Variants in FRRS1L observed in about 807,000 individuals in gnomAD.
FRRS1L encodes the protein DOMON domain-containing protein FRRS1L.
In FRRS1L, 22 loss-of-function variants were observed where a neutral mutation model predicts 28.6. The ratio of observed to expected loss-of-function variants is 0.77; its 90% CI spans 0.55 to 1.10. The LOEUF is 1.10. FRRS1L is among the 50% of genes least tolerant of loss of function. The pLI, the probability that FRRS1L is intolerant of heterozygous loss-of-function variation, is 0.00. For missense variants in FRRS1L, 380 were observed against 386.9 expected, an observed-to-expected ratio of 0.98 and a Z score of 0.15; for synonymous variants, 158 against 151.4, an observed-to-expected ratio of 1.04 and a Z score of -0.32.
Position 109,166,986 on chromosome 9 carries a change from G to T in FRRS1L, c.153C>A (p.Gly51=). Residue 51 remains glycine (G), a synonymous_variant, in exon 1 of 5, where the codon GGC becomes GGA. Coordinates refer to ENST00000561981, the MANE Select transcript of FRRS1L (RefSeq NM_014334.4). ...CGTGGCGCGGCACCGCCTCGTCGGC[G>T]CCCGTGTCCCCCCGCGCGCGTCCCC... ...GPRGRARGDT[G]ADEAVPRHDS... 7.8e-7 allele frequency: 1 copy of T among 1,283,948 alleles called. No homozygotes were observed. Among genetic ancestry groups the T allele is most frequent in the Non-Finnish European group, 9.9e-7 (1 of 1,011,628 alleles). The allele number at this position is 1,283,948 out of a possible 1,614,324, so 79.5% of individuals were successfully genotyped here.
At chr9:109,141,158 C>T (rs745916740) in intron 4 of FRRS1L, 185 bp downstream of exon 4, 13 of 626,776 alleles carry the variant, frequency 2.1e-5, no homozygotes, top group Admixed American at 5.9e-5. Context: ...TTTGTTTGTC[C>T]GTATAATAAG....
chr9:109,142,379 G>A (rs1831199230), intron 3 of FRRS1L, among the ~76,000 whole-genome samples: 2 of 152,152 alleles, frequency 1.3e-5, no homozygotes, highest in South Asian at 4.1e-4. Context: ...AAAAGTTCTG[G>A]AACTAGGGAG....
intron 2 of FRRS1L, 21 bp from the exon 3 acceptor site, chr9:109,147,210 G>T: frequency 6.2e-7 from 1 of 1,601,344 alleles, no homozygotes; most frequent in Non-Finnish European, 8.6e-7. Context: ...TATCGAAAGA[G>T]ACTTTACTGC....
intron 1 of FRRS1L, among the ~76,000 whole-genome samples, chr9:109,152,731 G>A (rs1178504523): frequency 6.9e-6 from 1 of 144,034 alleles, no homozygotes; most frequent in Admixed American, 7.2e-5. Flanking sequence ...ATGAACCCGG[G>A]AGGTGGAGCG....
At chr9:109,141,279 T>C in intron 4 of FRRS1L, 64 bp downstream of exon 4, 1 of 1,586,714 alleles carries the variant, frequency 6.3e-7, no homozygotes, top group Non-Finnish European at 8.6e-7. Context: ...GTGACTTCAA[T>C]TAACAATGAA....
intron 1 of FRRS1L, among the ~76,000 whole-genome samples, chr9:109,164,396 A>AC (rs527915831): frequency 1.6e-3 from 210 of 134,730 alleles, no homozygotes; most frequent in Non-Finnish European, 2.6e-3. Context: ...GAGCAGGTTG[A>AC]TTTTTTTTTT....
At chr9:109,151,243 T>G (rs1831326483) in intron 1 of FRRS1L, 1 of 152,254 alleles carries the variant, frequency 6.6e-6, no homozygotes, top group Non-Finnish European at 1.5e-5. Context: ...CTATATCTGC[T>G]TCAGTACTAG....
rs771750729 is a variant in FRRS1L at position 109,135,425 on chromosome 9, G to C, written c.*2030C>G. 4 of 152,170 alleles carry C rather than the reference G, an allele frequency of 2.6e-5. No homozygotes were observed. In the South Asian group the frequency reaches 8.3e-4, roughly 32 times the overall value. 9.4% of individuals were successfully genotyped at this position (152,170 alleles called of 1,614,324 possible). A position where few individuals can be genotyped will look rare whatever the true frequency, so the allele number is the denominator to read the frequency against. On this transcript the variant is annotated 3_prime_UTR_variant, in exon 5 of 5. Transcript: ENST00000561981. ...TTACTATGAATTATGCTGACTACCT[G>C]TCTAGTTTATAAGTCTGAACATTTT...
chr9:109,132,397 G>C lies in FRRS1L; in HGVS notation c.*5058C>G, dbSNP rs1240738394. Reference sequence around the variant, plus strand: ...CACCACAGTTACTTAAGACAAAACTGCTGCTTAGCCGGCTCTGTACTTTAC... The same window carrying C: ...CACCACAGTTACTTAAGACAAAACTCCTGCTTAGCCGGCTCTGTACTTTAC... On this transcript the variant is annotated 3_prime_UTR_variant, in exon 5 of 5. Transcript: ENST00000561981. 1 of 152,204 alleles carries C rather than the reference G, an allele frequency of 6.6e-6. No homozygotes were observed. Among genetic ancestry groups the C allele is most frequent in the Non-Finnish European group, 1.5e-5 (1 of 68,038 alleles). 9.4% of individuals were successfully genotyped at this position (152,204 alleles called of 1,614,324 possible).
rs1831085100 is a variant in FRRS1L, at chr9:109,133,973, G to GT, written c.*3481dup. 6.6e-6 allele frequency: 1 copy of GT among 152,188 alleles called. No homozygotes were observed. Among genetic ancestry groups the GT allele is most frequent in the South Asian group, 2.1e-4 (1 of 4,832 alleles). 9.4% of individuals were successfully genotyped at this position (152,188 alleles called of 1,614,324 possible). A position where few individuals can be genotyped will look rare whatever the true frequency, so the allele number is the denominator to read the frequency against. ...TGAGATAATGGTCAAAGGCCATTCT[G>GT]TATCACTGGTGTGAATTCTTATTTC... On this transcript the variant is annotated 3_prime_UTR_variant, in exon 5 of 5. Transcript: ENST00000561981.
chr9:109,162,827 C>T (rs1201534902), intron 1 of FRRS1L, among the ~76,000 whole-genome samples: 1 of 152,186 alleles, frequency 6.6e-6, no homozygotes, highest in Non-Finnish European at 1.5e-5. Context: ...ATGTTCTGTC[C>T]TTCTTTCTAC....
chr9:109,137,707 CAA>C (rs1201572214), intron 4 of FRRS1L, 80 bp from the exon 5 acceptor site: 30 of 893,758 alleles, frequency 3.4e-5, no homozygotes, highest in Non-Finnish European at 4.7e-5. Context: ...ATGGAAAAAT[CAA>C]AAGTCTATTT....
In FRRS1L at chr9:109,135,977, C is replaced by G. The variant is rs988146011; in HGVS notation, c.*1478G>C. ...AGGCACGGTGGCTCACACCTGTAATCCTAGCACTCTGGGAGGCCAAAGCAG... is the reference window on the plus strand; with the variant it reads ...AGGCACGGTGGCTCACACCTGTAATGCTAGCACTCTGGGAGGCCAAAGCAG... On this transcript the variant is annotated 3_prime_UTR_variant, in exon 5 of 5. Coordinates refer to ENST00000561981, the MANE Select transcript of FRRS1L (RefSeq NM_014334.4). The G allele has an allele frequency of 4.0e-5, 6 of 151,852 alleles. No individual in the cohort carries two copies. The highest frequency in any genetic ancestry group is 7.4e-5 in the Non-Finnish European group (5 of 67,978). 9.4% of individuals were successfully genotyped at this position (151,852 alleles called of 1,614,324 possible).
At position 109,133,434 on chromosome 9, in the gene FRRS1L, A is replaced by G. The variant is rs796941444; in HGVS notation, c.*4021T>C. ...TAATTGTAAATTACTAAATGGGGGA[A>G]AAAAGGCACCTAGCTAATTGGAGTA... On this transcript the variant is annotated 3_prime_UTR_variant, in exon 5 of 5. Transcript: ENST00000561981. The G allele has an allele frequency of 4.6e-5, 7 of 152,300 alleles. No individual in the cohort carries two copies. Among genetic ancestry groups the G allele is most frequent in the African/African-American group, 1.7e-4 (7 of 41,580 alleles). 9.4% of individuals were successfully genotyped at this position (152,300 alleles called of 1,614,324 possible). A position where few individuals can be genotyped will look rare whatever the true frequency, so the allele number is the denominator to read the frequency against.
At chr9:109,166,177 C>T (rs1019057183) in intron 1 of FRRS1L, among the ~76,000 whole-genome samples, 15 of 152,154 alleles carry the variant, frequency 9.9e-5, no homozygotes, top group African/African-American at 3.4e-4. Flanking sequence ...CTTAAAGAGG[C>T]CAGTTTCCAT....
In FRRS1L at chr9:109,134,534, C is replaced by T. The variant is rs1831091325; in HGVS notation, c.*2921G>A. Reference sequence around the variant, plus strand: ...AAGAACTGAGAGCCTCTCAGTCTTGCTAAGACATAGCAAGTGAGGAGGAGT... The same window carrying T: ...AAGAACTGAGAGCCTCTCAGTCTTGTTAAGACATAGCAAGTGAGGAGGAGT... On this transcript the variant is annotated 3_prime_UTR_variant, in exon 5 of 5. Transcript: ENST00000561981. 1.3e-5 allele frequency: 2 copies of T among 152,126 alleles called. No homozygotes were observed. The highest frequency in any genetic ancestry group is 4.8e-5 in the African/African-American group (2 of 41,416). 9.4% of individuals were successfully genotyped at this position (152,126 alleles called of 1,614,324 possible).
rs1048209104 is a variant in FRRS1L at position 109,132,995 on chromosome 9, A to G, written c.*4460T>C. The G allele has an allele frequency of 6.6e-6, 1 of 152,236 alleles. No individual in the cohort carries two copies. Among genetic ancestry groups the G allele is most frequent in the African/African-American group, 2.4e-5 (1 of 41,462 alleles). 9.4% of individuals were successfully genotyped at this position (152,236 alleles called of 1,614,324 possible). On this transcript the variant is annotated 3_prime_UTR_variant, in exon 5 of 5. Coordinates refer to ENST00000561981, the MANE Select transcript of FRRS1L (RefSeq NM_014334.4). ...ACGTCTCTTATGCACAAAATCCTGA[A>G]TATAGACAGTAAACTTAATTCCAGA...
Position 109,166,982 on chromosome 9 carries a change from C to A in FRRS1L, c.157G>T (p.Asp53Tyr). 1 of 1,299,554 alleles carries A rather than the reference C, an allele frequency of 7.7e-7. No individual in the cohort carries two copies. The allele number at this position is 1,299,554 out of a possible 1,614,324, so 80.5% of individuals were successfully genotyped here. A position where few individuals can be genotyped will look rare whatever the true frequency, so the allele number is the denominator to read the frequency against. ...GAGTCGTGGCGCGGCACCGCCTCGT[C>A]GGCGCCCGTGTCCCCCCGCGCGCGT... ...RGRARGDTGA[D>Y]EAVPRHDSSY... is the part of the protein sequence containing the mutation. Residue 53 changes from aspartate (D) to tyrosine (Y), a missense_variant, in exon 1 of 5, where the codon GAC (aspartate) becomes TAC (tyrosine). Physicochemically the swap from Asp to Tyr is radical, Grantham distance 160 (BLOSUM62 -3). Transcript: ENST00000561981.
chr9:109,142,419 T>C (rs980544050), intron 3 of FRRS1L, among the ~76,000 whole-genome samples: 2 of 152,168 alleles, frequency 1.3e-5, no homozygotes, highest in Non-Finnish European at 2.9e-5. Context: ...CTGAATGTGG[T>C]TGATACCACT....
Sources: gnomAD v4.1 joint callset for allele counts (sites outside exome capture counted in the v4.1 genomes callset) on GRCh38, gnomAD v4.1.1 for gene constraint, MANE v1.5 for transcripts, NCBI Gene and HGNC (gene_info 2026-07-23, HGNC 2026-07-21) for gene names.